EHMT1: variants seen among roughly 807,000 people sequenced by gnomAD.
EHMT1 encodes euchromatic histone lysine methyltransferase 1, also known as histone-lysine N-methyltransferase EHMT1.
Under a neutral mutation model 147.2 loss-of-function variants are expected in EHMT1, and 15 were observed. The ratio of observed to expected loss-of-function variants is 0.10; its 90% CI spans 0.07 to 0.16. The LOEUF is 0.16. Among genes scored for constraint, EHMT1 ranks in the 10% least tolerant of loss-of-function variants. The pLI is 1.00. For synonymous variants in EHMT1, 795 were observed against 709.6 expected (o/e 1.12, Z -1.91); for missense variants, 1,587 against 1,772.4 (o/e 0.90, Z 1.88).
intron 1 of EHMT1, among the ~76,000 whole-genome samples, chr9:137,688,972 G>C (rs1942698996): frequency 6.6e-6 from 1 of 152,146 alleles, no homozygotes; most frequent in African/African-American, 2.4e-5. Flanking sequence ...GTGAGCTGCT[G>C]CAGGAGTGAC....
At chr9:137,723,725 C>CA (rs1318416072) in intron 3 of EHMT1, among the ~76,000 whole-genome samples, 1 of 152,322 alleles carries the variant, frequency 6.6e-6, no homozygotes, top group East Asian at 1.9e-4. Flanking sequence ...TTTTTAAAGC[C>CA]ACAATTTATT....
chr9:137,703,465 G>A (rs1256975850), intron 1 of EHMT1, among the ~76,000 whole-genome samples: 2 of 152,170 alleles, frequency 1.3e-5, no homozygotes, highest in Admixed American at 1.3e-4. Flanking sequence ...GTTAGAAGCA[G>A]CCAGGCCACA....
intron 18 of EHMT1, among the ~76,000 whole-genome samples, chr9:137,807,594 G>A (rs1001162820): frequency 2.6e-5 from 4 of 151,904 alleles, no homozygotes; most frequent in South Asian, 4.2e-4. Flanking sequence ...TGTAACCTCC[G>A]CCTCCCAGGT....
rs115909780 is a variant in EHMT1, at chr9:137,750,759, C to A, written c.1171-1572C>A. ...ACACCGGAGCTCAGGACGTGGCTGCCGGAGGGGGCGCGGCTGCCGGAGGGG... is the reference window on the plus strand; with the variant it reads ...ACACCGGAGCTCAGGACGTGGCTGCAGGAGGGGGCGCGGCTGCCGGAGGGG... On this transcript the variant is annotated intron_variant, in intron 6 of 26. Coordinates refer to ENST00000460843, the MANE Select transcript of EHMT1 (RefSeq NM_024757.5). Among the ~76,000 whole-genome samples, 514 of 152,208 alleles carry A rather than the reference C, an allele frequency of 3.4e-3. 4 individuals are homozygous for A. Among genetic ancestry groups the A allele is most frequent in the African/African-American group, 0.012 (487 of 41,510 alleles).
chr9:137,716,871 G>T lies in EHMT1; in HGVS notation c.331G>T (p.Ala111Ser). 6.2e-7 allele frequency: 1 copy of T among 1,613,290 alleles called. No individual in the cohort carries two copies. The highest frequency in any genetic ancestry group is 8.5e-7 in the Non-Finnish European group (1 of 1,179,920). ...AGCGGCGAAGCAAAACCACGTCACT[G>T]CCGACGACTTTGTGCAGACTTCTGT... is the stretch of plus-strand genomic sequence containing the variant. ...SEAAKQNHVT[A>S]DDFVQTSVIG... is the part of the protein sequence containing the mutation. The change falls in exon 3 of 27, where the codon GCC becomes TCC. Residue 111 changes from alanine to serine, a missense_variant. Physicochemically the swap from Ala to Ser is moderately conservative, Grantham distance 99. Coordinates refer to ENST00000460843, the MANE Select transcript of EHMT1 (RefSeq NM_024757.5).
intron 1 of EHMT1, among the ~76,000 whole-genome samples, chr9:137,702,342 T>C (rs764420729): frequency 1.3e-5 from 2 of 152,224 alleles, no homozygotes; most frequent in African/African-American, 2.4e-5. Context: ...ATAAAAAGCT[T>C]ACTTCCAAGA....
chr9:137,768,599 G>GAGTGC (rs1313442805), intron 10 of EHMT1, among the ~76,000 whole-genome samples: 4 of 124,354 alleles, frequency 3.2e-5, no homozygotes, highest in Non-Finnish European at 6.4e-5. Context: ...GCCCAGGCTG[G>GAGTGC]AGTGCAGTGG....
chr9:137,718,754 C>CT (rs1163532857), intron 3 of EHMT1, among the ~76,000 whole-genome samples: 1,794 of 146,134 alleles, frequency 0.012, 69 homozygotes, highest in African/African-American at 0.043. Flanking sequence ...TTTTCTTTTT[C>CT]TTTTTCTTTT....
At chr9:137,706,154 C>G (rs998764480) in intron 1 of EHMT1, among the ~76,000 whole-genome samples, 2 of 152,122 alleles carry the variant, frequency 1.3e-5, no homozygotes, top group Non-Finnish European at 2.9e-5. Context: ...CAGAGCCGAC[C>G]TGGCCTGGGG....
intron 18 of EHMT1, among the ~76,000 whole-genome samples, chr9:137,808,416 G>T (rs1954131273): frequency 6.6e-6 from 1 of 152,170 alleles, no homozygotes; most frequent in Admixed American, 6.5e-5. Context: ...GTCCTTCCCT[G>T]CCTGGTGTCT....
At chr9:137,802,328 G>T (rs1953560913) in intron 18 of EHMT1, 2 of 398,768 alleles carry the variant, frequency 5.0e-6, no homozygotes, top group East Asian at 7.1e-5. Flanking sequence ...AGCCCTCAGA[G>T]GTGTGTCCAC....
At chr9:137,647,856 C>G (rs1409268091) in intron 1 of EHMT1, among the ~76,000 whole-genome samples, 1 of 152,142 alleles carries the variant, frequency 6.6e-6, no homozygotes. Context: ...CTCGGCCTCC[C>G]AAGGTGTTGG....
intron 1 of EHMT1, among the ~76,000 whole-genome samples, chr9:137,685,568 T>C (rs1942355367): frequency 6.6e-6 from 1 of 152,236 alleles, no homozygotes. Flanking sequence ...TTCAGTTCTT[T>C]GGGGTATATA....
At chr9:137,727,428 T>C (rs964174108) in intron 3 of EHMT1, among the ~76,000 whole-genome samples, 9 of 152,262 alleles carry the variant, frequency 5.9e-5, no homozygotes, top group African/African-American at 2.2e-4. Context: ...TTTTAGGTTT[T>C]GCAGTTAGGA....
chr9:137,751,285 A>T (rs1289848477), intron 6 of EHMT1, among the ~76,000 whole-genome samples: 1 of 152,212 alleles, frequency 6.6e-6, no homozygotes, highest in Non-Finnish European at 1.5e-5. Flanking sequence ...ATAAAATTCA[A>T]AAGTTTTATG....
chr9:137,797,707 T>A (rs1428668664), intron 16 of EHMT1, among the ~76,000 whole-genome samples: 2 of 150,742 alleles, frequency 1.3e-5, no homozygotes, highest in Non-Finnish European at 3.0e-5. Context: ...TAGCCCCAGG[T>A]AGGGGAGCAG....
intron 1 of EHMT1, among the ~76,000 whole-genome samples, chr9:137,695,850 T>C (rs1431829791): frequency 6.6e-6 from 1 of 152,218 alleles, no homozygotes; most frequent in Non-Finnish European, 1.5e-5. Context: ...TGGTGGAGTC[T>C]CAGAGTACTG....
intron 7 of EHMT1, 79 bp downstream of exon 7, chr9:137,752,487 C>A: frequency 6.6e-7 from 1 of 1,522,134 alleles, no homozygotes; most frequent in Admixed American, 1.9e-5. Context: ...AGTTCTTTAC[C>A]CAACAACCCT....
rs1410947537 is a variant in EHMT1, at chr9:137,724,792, GA to G, written c.643-3554del. Among the ~76,000 whole-genome samples the G allele has an allele frequency of 1.1e-4, 16 of 152,330 alleles. No homozygotes were observed. In the East Asian group the frequency reaches 1.9e-3, roughly 18 times the overall value. On this transcript the variant is annotated intron_variant, in intron 3 of 26. Coordinates refer to ENST00000460843, the MANE Select transcript of EHMT1 (RefSeq NM_024757.5). ...ACCTGGTGTGCTGGAGAAAGACCAA[GA>G]AACGTTATACAGCAGACGTGTGGCA...
Sources: allele counts gnomAD v4.1 joint callset (sites outside exome capture counted in the v4.1 genomes callset), GRCh38; gene constraint gnomAD v4.1.1; transcripts MANE v1.5; gene names NCBI Gene and HGNC (gene_info 2026-07-23, HGNC 2026-07-21).